Variants in UBR3 observed in about 807,000 individuals in gnomAD.
UBR3 encodes the protein ubiquitin protein ligase E3 component n-recognin 3.
A neutral mutation model predicts 243.2 loss-of-function variants in UBR3; 85 were observed. The observed-to-expected ratio is 0.35, with a 90% CI of 0.29 to 0.42. The LOEUF (loss-of-function observed/expected upper bound fraction) is 0.42, where lower values mean the gene tolerates loss of function less well. Ranked by LOEUF, UBR3 falls within the 10% of genes least tolerant of loss-of-function variation. UBR3 has a pLI of 1.00. For missense variants in UBR3, 1,686 were observed against 2,300.8 expected (o/e 0.73, Z 5.47); for synonymous variants, 748 against 799.8 (o/e 0.94, Z 1.09).
intron 30 of UBR3, among the ~76,000 whole-genome samples, chr2:170,027,095 G>A (rs1364504895): frequency 6.6e-6 from 1 of 151,816 alleles, no homozygotes; most frequent in Non-Finnish European, 1.5e-5. Context: ...AAAAAGTGGA[G>A]TGGTAGAAAT....
chr2:170,072,653 C>A (rs2105456300), intron 35 of UBR3, among the ~76,000 whole-genome samples: 1 of 152,094 alleles, frequency 6.6e-6, no homozygotes, highest in Non-Finnish European at 1.5e-5. Context: ...CTAATTATAT[C>A]TGAATGGAGC....
At chr2:169,964,582 T>C in intron 24 of UBR3, 1 of 396,152 alleles carries the variant, frequency 2.5e-6, no homozygotes, top group Non-Finnish European at 5.1e-6. Flanking sequence ...CTCAGGCAGA[T>C]GACGTTTGAT....
At position 170,011,138 on chromosome 2, in the gene UBR3, A is replaced by C. The variant is rs554751063; in HGVS notation, c.4367+2198A>C. 4.6e-5 allele frequency among the ~76,000 whole-genome samples: 7 copies of C among 152,292 alleles called. No individual in the cohort carries two copies. The East Asian group carries it at 1.2e-3, about 25-fold the overall frequency. ...TAGTGAGCTGTGATTGAGCGACTGC[A>C]CTTCAGCTTGGGCAACAGAGCAAAA... On this transcript the variant is annotated intron_variant, in intron 29 of 38. Transcript: ENST00000272793.
At chr2:169,956,784 A>C (rs182844528) in intron 23 of UBR3, among the ~76,000 whole-genome samples, 2 of 152,290 alleles carry the variant, frequency 1.3e-5, no homozygotes, top group East Asian at 3.9e-4. Flanking sequence ...ACTGTATTTC[A>C]TTCTTCTGAA....
At chr2:170,081,105 C>T (rs772228989) in intron 38 of UBR3, among the ~76,000 whole-genome samples, 1 of 152,230 alleles carries the variant, frequency 6.6e-6, no homozygotes, top group East Asian at 1.9e-4. Context: ...GTGGAAGGAT[C>T]GCTTGAGCCC....
In UBR3 at chr2:169,949,702, T is replaced by A. The variant is rs1238450905; in HGVS notation, c.3182T>A (p.Val1061Asp). Residue 1061 changes from valine (V) to aspartate (D), a missense_variant, in exon 23 of 39, where the codon GTT becomes GAT. By Grantham distance (152) the Val-to-Asp change is radical. Around this residue, in one of 8 missense-constraint regions of UBR3, gnomAD observed 300 missense variants for 314.4 expected, o/e 0.95. Transcript: ENST00000272793. ...NRSSSEANQV[V>D]RPKTSSKWSA... ...AGTAGCAGTGAAGCAAATCAGGTGG[T>A]TCGTCCCAAAACTTCAAGTAAATGG... The A allele has an allele frequency of 6.4e-7, 1 of 1,551,564 alleles. No homozygotes were observed. Among genetic ancestry groups the A allele is most frequent in the Non-Finnish European group, 8.7e-7 (1 of 1,146,748 alleles).
At chr2:170,001,939 A>AAAAAAAAAAAAAAAAAAAAAAG (rs1553531165) in intron 27 of UBR3, among the ~76,000 whole-genome samples, 5 of 116,210 alleles carry the variant, frequency 4.3e-5, no homozygotes, top group African/African-American at 1.1e-4. Flanking sequence ...AAAAAAAAAA[A>AAAAAAAAAAAAAAAAAAAAAAG]AAAGAAAGAA....
chr2:169,961,369 G>A (rs1015779642), intron 24 of UBR3, among the ~76,000 whole-genome samples: 1 of 151,392 alleles, frequency 6.6e-6, no homozygotes, highest in Non-Finnish European at 1.5e-5. Flanking sequence ...TTTTTTAAGA[G>A]TCAAGGTATT....
chr2:169,914,700 A>G (rs1193491369), intron 11 of UBR3, among the ~76,000 whole-genome samples: 3 of 152,154 alleles, frequency 2.0e-5, no homozygotes, highest in Admixed American at 6.5e-5. Context: ...TATTCCTCCT[A>G]TGAAGTAGGG....
At chr2:169,980,695 C>T (rs916594896) in intron 24 of UBR3, among the ~76,000 whole-genome samples, 2 of 151,460 alleles carry the variant, frequency 1.3e-5, no homozygotes, top group African/African-American at 2.4e-5. Context: ...AATACATGTG[C>T]CATGCTGGTG....
chr2:170,018,315 T>TG (rs1424402348), intron 30 of UBR3, among the ~76,000 whole-genome samples: 1 of 152,240 alleles, frequency 6.6e-6, no homozygotes, highest in Non-Finnish European at 1.5e-5. Flanking sequence ...CTGCCCTGGA[T>TG]ACCAGTTAGC....
Position 170,082,208 on chromosome 2 carries a change from T to TTTCTG in UBR3, c.*367_*371dup, listed in dbSNP as rs2091919119. 1 of 163,496 alleles carries TTTCTG rather than the reference T, an allele frequency of 6.1e-6. No homozygotes were observed. The highest frequency in any genetic ancestry group is 2.4e-5 in the African/African-American group (1 of 42,002). 10.1% of individuals were successfully genotyped at this position (163,496 alleles called of 1,614,324 possible). On this transcript the variant is annotated 3_prime_UTR_variant, in exon 39 of 39. Transcript: ENST00000272793. ...GATTTATTTGACATTTTACTGCTTC[T>TTTCTG]TTCTGTCTGTGTGTTTTAATTTGCA...
At chr2:169,953,102 A>G (rs2087112660) in intron 23 of UBR3, among the ~76,000 whole-genome samples, 1 of 152,202 alleles carries the variant, frequency 6.6e-6, no homozygotes, top group Non-Finnish European at 1.5e-5. Flanking sequence ...TGGAGGACAT[A>G]GTTTAGATGC....
chr2:169,925,880 T>A, intron 14 of UBR3, 133 bp downstream of exon 14: 1 of 896,798 alleles, frequency 1.1e-6, no homozygotes, highest in Non-Finnish European at 1.6e-6. Context: ...TTTACTTACA[T>A]TTCCCAGGAG....
At chr2:170,075,272 A>G (rs1175176939) in intron 36 of UBR3, among the ~76,000 whole-genome samples, 2 of 152,054 alleles carry the variant, frequency 1.3e-5, no homozygotes, top group African/African-American at 4.8e-5. Context: ...CTGTCTAGTA[A>G]TTTCTTTATT....
chr2:169,876,118 C>T (rs1384361342), intron 3 of UBR3, among the ~76,000 whole-genome samples, 169 bp downstream of exon 3: 3 of 143,924 alleles, frequency 2.1e-5, no homozygotes, highest in Non-Finnish European at 3.0e-5. Flanking sequence ...GAGTCTAGCT[C>T]TGTCGCCCAG....
At chr2:170,014,464 T>C (rs2090178306) in intron 29 of UBR3, 1 of 151,974 alleles carries the variant, frequency 6.6e-6, no homozygotes, top group Admixed American at 6.6e-5. Context: ...ATTCATACTG[T>C]TGAAGAAAAA....
chr2:169,855,880 G>A (rs573778500), intron 1 of UBR3, among the ~76,000 whole-genome samples: 106 of 152,296 alleles, frequency 7.0e-4, no homozygotes, highest in African/African-American at 2.5e-3. Flanking sequence ...CCCAGACGGG[G>A]TGGCGGCCAG....
intron 9 of UBR3, among the ~76,000 whole-genome samples, 165 bp from the exon 10 acceptor site, chr2:169,905,866 G>A (rs1396517685): frequency 6.6e-6 from 1 of 152,104 alleles, no homozygotes; most frequent in African/African-American, 2.4e-5. Context: ...ATTCTGAAAG[G>A]ACTAGATTGT....
Sources: gnomAD v4.1 joint callset for allele counts (sites outside exome capture counted in the v4.1 genomes callset) on GRCh38, gnomAD v4.1.1 for gene constraint, gnomAD v4.1.1 regional missense constraint, MANE v1.5 for transcripts, NCBI Gene and HGNC (gene_info 2026-07-23, HGNC 2026-07-21) for gene names.